Variants in SOX5 observed in about 807,000 individuals in gnomAD.
SOX5 encodes the protein transcription factor SOX-5.
SOX5 carries 9 observed loss-of-function variants against 92.0 expected under a neutral mutation model. The observed-to-expected ratio is 0.10, with a 90% CI of 0.06 to 0.17. SOX5 has a LOEUF of 0.17. Ranked by LOEUF, SOX5 falls within the 10% of genes least tolerant of loss-of-function variation. The probability of loss-of-function intolerance (pLI) is 1.00; values close to 1 mark genes in which losing one functional copy is unlikely to be tolerated. For missense variants in SOX5, 642 were observed against 944.5 expected (o/e 0.68, Z 4.20); for synonymous variants, 344 against 336.3 (o/e 1.02, Z -0.25).
chr12:23,751,627 G>T (rs761496098), intron 4 of SOX5, among the ~76,000 whole-genome samples: 2 of 151,802 alleles, frequency 1.3e-5, no homozygotes, highest in Admixed American at 1.3e-4. Context: ...TCCACACACT[G>T]AATCTACAGA....
chr12:24,426,216 A>G (rs751801731), intron 1 of SOX5, among the ~76,000 whole-genome samples: 3 of 151,672 alleles, frequency 2.0e-5, no homozygotes, highest in Admixed American at 1.3e-4. Context: ...CAAACAAACA[A>G]ACAAACAAAA....
chr12:23,566,935 A>C (rs929071987), intron 10 of SOX5, among the ~76,000 whole-genome samples: 3 of 152,220 alleles, frequency 2.0e-5, no homozygotes, highest in African/African-American at 7.2e-5. Context: ...TTAACTACAA[A>C]ATGAAGGTAA....
chr12:23,982,618 C>T (rs1249218922), intron 4 of SOX5, among the ~76,000 whole-genome samples: 1 of 151,858 alleles, frequency 6.6e-6, no homozygotes, highest in African/African-American at 2.4e-5. Flanking sequence ...TTTATGTTAC[C>T]TACCCTAACT....
At chr12:24,019,056 C>T (rs1200325734) in intron 4 of SOX5, among the ~76,000 whole-genome samples, 2 of 152,116 alleles carry the variant, frequency 1.3e-5, no homozygotes, top group African/African-American at 4.8e-5. Context: ...TCACTACAGC[C>T]TCAACCTTCT....
intron 4 of SOX5, among the ~76,000 whole-genome samples, chr12:23,748,557 A>G (rs1484712696): frequency 2.0e-5 from 3 of 152,054 alleles, no homozygotes; most frequent in Non-Finnish European, 4.4e-5. Context: ...AAATAAAGAA[A>G]AAGTACAAGT....
intron 4 of SOX5, among the ~76,000 whole-genome samples, chr12:24,192,833 G>A (rs775059015): frequency 2.3e-4 from 35 of 152,226 alleles, no homozygotes; most frequent in Middle Eastern, 3.4e-3. Flanking sequence ...TCTTCCCCCA[G>A]GTAAAGGAGA....
intron 4 of SOX5, among the ~76,000 whole-genome samples, chr12:24,127,084 C>A (rs1469289800): frequency 6.6e-6 from 1 of 151,690 alleles, no homozygotes; most frequent in East Asian, 1.9e-4. Flanking sequence ...AAATGAAGAC[C>A]AGATATAGTA....
At chr12:24,228,179 C>T (rs1962517404) in intron 3 of SOX5, among the ~76,000 whole-genome samples, 1 of 152,156 alleles carries the variant, frequency 6.6e-6, no homozygotes, top group South Asian at 2.1e-4. Flanking sequence ...ATTTTGTATG[C>T]CACAGAAAAC....
intron 2 of SOX5, among the ~76,000 whole-genome samples, chr12:23,873,953 A>T (rs980466146): frequency 6.6e-6 from 1 of 152,204 alleles, no homozygotes; most frequent in Non-Finnish European, 1.5e-5. Context: ...ATTGAGTTAC[A>T]GGTTTTCTGG....
intron 3 of SOX5, among the ~76,000 whole-genome samples, chr12:24,220,315 A>T (rs1314963712): frequency 6.6e-6 from 1 of 152,068 alleles, no homozygotes; most frequent in Non-Finnish European, 1.5e-5. Context: ...TAATGTTCCA[A>T]AGTATTAACT....
chr12:24,372,209 C>T (rs561039735), intron 1 of SOX5, among the ~76,000 whole-genome samples: 6 of 152,194 alleles, frequency 3.9e-5, no homozygotes, highest in African/African-American at 1.4e-4. Context: ...TAGTTATACA[C>T]GTGCCATGTT....
chr12:23,991,477 G>A (rs1343805182), intron 4 of SOX5, among the ~76,000 whole-genome samples: 1 of 151,714 alleles, frequency 6.6e-6, no homozygotes, highest in Non-Finnish European at 1.5e-5. Context: ...TGTCAGATTA[G>A]TTTAGATTTT....
chr12:23,926,391 T>A (rs978405138), intron 1 of SOX5, among the ~76,000 whole-genome samples: 14 of 152,036 alleles, frequency 9.2e-5, no homozygotes, highest in Non-Finnish European at 4.4e-5. Flanking sequence ...AGGCAAGAAA[T>A]CATCTACATG....
intron 1 of SOX5, among the ~76,000 whole-genome samples, chr12:23,916,699 A>C (rs1019488694): frequency 5.9e-5 from 9 of 152,204 alleles, no homozygotes; most frequent in African/African-American, 2.2e-4. Flanking sequence ...TTTTATAATA[A>C]ATAATCAATG....
At chr12:23,624,306 A>G (rs190337709) in intron 8 of SOX5, among the ~76,000 whole-genome samples, 4 of 152,302 alleles carry the variant, frequency 2.6e-5, no homozygotes, top group East Asian at 1.9e-4. Context: ...ATGCCACTGA[A>G]CTGTGTACAT....
chr12:23,769,227 T>C (rs1353634450), intron 3 of SOX5, among the ~76,000 whole-genome samples: 2 of 152,158 alleles, frequency 1.3e-5, no homozygotes, highest in Non-Finnish European at 1.5e-5. Context: ...AAACTAAACC[T>C]AGCACCTTTA....
At chr12:23,932,071 T>C (rs1024813703) in intron 1 of SOX5, among the ~76,000 whole-genome samples, 10 of 151,454 alleles carry the variant, frequency 6.6e-5, no homozygotes, top group Non-Finnish European at 1.3e-4. Flanking sequence ...AAAAAAAAGT[T>C]TCCATGAACC....
At chr12:23,996,955 G>T (rs991381841) in intron 4 of SOX5, among the ~76,000 whole-genome samples, 3 of 152,098 alleles carry the variant, frequency 2.0e-5, no homozygotes, top group Admixed American at 6.6e-5. Flanking sequence ...CTTTAAAATG[G>T]CTAATTTTTT....
intron 2 of SOX5, among the ~76,000 whole-genome samples, chr12:24,296,841 T>C (rs1947314262): frequency 6.9e-6 from 1 of 145,976 alleles, no homozygotes; most frequent in Non-Finnish European, 1.5e-5. Context: ...AAAAAGTAGT[T>C]TGAAAAAATG....
Sources: allele counts gnomAD v4.1 joint callset (sites outside exome capture counted in the v4.1 genomes callset), GRCh38; gene constraint gnomAD v4.1.1; transcripts MANE v1.5; gene names NCBI Gene and HGNC (gene_info 2026-07-23, HGNC 2026-07-21).